Variants in RALYL observed in about 807,000 individuals in gnomAD.
The protein encoded by RALYL is RNA-binding Raly-like protein.
RALYL carries 29 observed loss-of-function variants against 35.1 expected under a neutral mutation model. The ratio of observed to expected loss-of-function variants is 0.83; its 90% CI spans 0.61 to 1.13. The LOEUF is 1.13. RALYL is among the 50% of genes most tolerant of loss of function. The pLI is 0.00. For missense variants in RALYL, 359 were observed against 360.4 expected (o/e 1.00, Z 0.03); for synonymous variants, 120 against 127.6 (o/e 0.94, Z 0.40).
chr8:84,687,755 A>C (rs1481581805), intron 2 of RALYL, among the ~76,000 whole-genome samples: 1 of 152,060 alleles, frequency 6.6e-6, no homozygotes, highest in African/African-American at 2.4e-5. Flanking sequence ...AAAATTCTGT[A>C]ATTTTTTTTG....
chr8:84,657,713 G>A (rs1000197594), intron 2 of RALYL, among the ~76,000 whole-genome samples: 7 of 152,104 alleles, frequency 4.6e-5, no homozygotes, highest in Non-Finnish European at 1.0e-4. Context: ...AAACTGGGGG[G>A]ATAAATCAAG....
intron 1 of RALYL, among the ~76,000 whole-genome samples, chr8:84,192,370 A>C (rs1814103986): frequency 6.6e-6 from 1 of 152,248 alleles, no homozygotes; most frequent in Admixed American, 6.5e-5. Flanking sequence ...AAAAAGGACT[A>C]AAGACAAACA....
intron 2 of RALYL, among the ~76,000 whole-genome samples, chr8:84,725,318 T>C (rs149666333): frequency 3.3e-5 from 5 of 151,884 alleles, no homozygotes; most frequent in African/African-American, 1.2e-4. Flanking sequence ...CCACACTTAT[T>C]TCTTTTTCCA....
chr8:84,878,830 G>A (rs1386845685), intron 7 of RALYL, among the ~76,000 whole-genome samples: 1 of 152,020 alleles, frequency 6.6e-6, no homozygotes, highest in Non-Finnish European at 1.5e-5. Flanking sequence ...AAGGATATGA[G>A]AATTACACGA....
intron 1 of RALYL, among the ~76,000 whole-genome samples, chr8:84,261,972 CAG>C (rs1411332898): frequency 6.6e-6 from 1 of 152,064 alleles, no homozygotes; most frequent in African/African-American, 2.4e-5. Context: ...AGACACTTGA[CAG>C]AGGAAATTTT....
At chr8:84,460,576 G>T (rs1455960782) in intron 1 of RALYL, among the ~76,000 whole-genome samples, 1 of 151,450 alleles carries the variant, frequency 6.6e-6, no homozygotes, top group Non-Finnish European at 1.5e-5. Flanking sequence ...AGAACAGTGT[G>T]GTATAATGCA....
intron 1 of RALYL, among the ~76,000 whole-genome samples, chr8:84,304,434 T>A (rs60702768): frequency 0.013 from 1,913 of 152,122 alleles, 55 homozygotes; most frequent in African/African-American, 0.043. Flanking sequence ...TACTAACTAA[T>A]ATAATATGGG....
At chr8:84,310,929 C>T (rs2129854850) in intron 1 of RALYL, among the ~76,000 whole-genome samples, 1 of 144,224 alleles carries the variant, frequency 6.9e-6, no homozygotes, top group East Asian at 2.0e-4. Context: ...CGCCTGTAGT[C>T]CCAGCTACTC....
chr8:84,306,933 T>C (rs182123806), intron 1 of RALYL, among the ~76,000 whole-genome samples: 158 of 152,282 alleles, frequency 1.0e-3, no homozygotes, highest in Admixed American at 3.1e-3. Context: ...ATGTGCATTA[T>C]ATGGCATGGG....
Position 84,855,800 on chromosome 8 carries a change from A to T in RALYL, c.413+5773A>T, listed in dbSNP as rs533421970. ...AAGCACTGATCAGTTTATAATTTCCAGTGATAAGGAGACTTTTATTAACAG... is the reference window on the plus strand; with the variant it reads ...AAGCACTGATCAGTTTATAATTTCCTGTGATAAGGAGACTTTTATTAACAG... On this transcript the variant is annotated intron_variant, in intron 5 of 8. Coordinates refer to ENST00000521268, the MANE Select transcript of RALYL (RefSeq NM_173848.7). 2.6e-5 allele frequency among the ~76,000 whole-genome samples: 4 copies of T among 152,348 alleles called. No individual in the cohort carries two copies. The South Asian group carries it at 8.3e-4, about 32-fold the overall frequency.
At chr8:84,541,295 A>G (rs1435357569) in intron 2 of RALYL, among the ~76,000 whole-genome samples, 2 of 151,804 alleles carry the variant, frequency 1.3e-5, no homozygotes, top group Non-Finnish European at 2.9e-5. Flanking sequence ...AGTATGTCAT[A>G]TTTTCAGAAT....
chr8:84,834,409 G>T (rs1423773627), intron 4 of RALYL, among the ~76,000 whole-genome samples: 1 of 152,242 alleles, frequency 6.6e-6, no homozygotes. Flanking sequence ...CTTGAGGTCA[G>T]AGAAGTCTAT....
In RALYL at chr8:84,596,466, C is replaced by A. The variant is rs952520584; in HGVS notation, c.256+66889C>A. ...ATCAGTTTTTCAGGGTTAAGAGAAACCATCTTGTCCAGCAAATAATCCCTT... is the reference window on the plus strand; with the variant it reads ...ATCAGTTTTTCAGGGTTAAGAGAAAACATCTTGTCCAGCAAATAATCCCTT... On this transcript the variant is annotated intron_variant, in intron 2 of 8. Coordinates refer to ENST00000521268, the MANE Select transcript of RALYL (RefSeq NM_173848.7). 2.6e-5 allele frequency among the ~76,000 whole-genome samples: 4 copies of A among 152,096 alleles called. No homozygotes were observed. The East Asian group carries it at 5.8e-4, about 22-fold the overall frequency.
chr8:84,709,247 G>A (rs1463340708), intron 2 of RALYL, among the ~76,000 whole-genome samples: 1 of 151,992 alleles, frequency 6.6e-6, no homozygotes, highest in Non-Finnish European at 1.5e-5. Context: ...ACCCTCATCA[G>A]GTCATTCCCC....
intron 2 of RALYL, among the ~76,000 whole-genome samples, chr8:84,703,437 C>A (rs1289904569): frequency 6.6e-6 from 1 of 152,066 alleles, no homozygotes; most frequent in Non-Finnish European, 1.5e-5. Context: ...TAGTGTGTAT[C>A]TGTTTATATA....
chr8:84,507,808 G>T (rs2134348037), intron 1 of RALYL, among the ~76,000 whole-genome samples: 1 of 152,264 alleles, frequency 6.6e-6, no homozygotes, highest in East Asian at 1.9e-4. Flanking sequence ...TTCATACAGT[G>T]ATTATTAGGT....
intron 1 of RALYL, among the ~76,000 whole-genome samples, chr8:84,418,497 C>T (rs547803344): frequency 1.3e-3 from 200 of 152,108 alleles, no homozygotes; most frequent in African/African-American, 1.9e-3. Flanking sequence ...CTGAGAAGGA[C>T]CCTAAAATGA....
At chr8:84,858,592 A>G (rs1379386976) in intron 5 of RALYL, among the ~76,000 whole-genome samples, 4 of 152,216 alleles carry the variant, frequency 2.6e-5, no homozygotes, top group African/African-American at 9.6e-5. Context: ...TTCTGCTGTC[A>G]GTCTACAATC....
chr8:84,496,243 T>G (rs1279285115), intron 1 of RALYL, among the ~76,000 whole-genome samples: 2 of 152,164 alleles, frequency 1.3e-5, no homozygotes, highest in Non-Finnish European at 2.9e-5. Context: ...TAGTGTATAT[T>G]GGTCCATTTG....
Sources: gnomAD v4.1 joint callset for allele counts (sites outside exome capture counted in the v4.1 genomes callset) on GRCh38, gnomAD v4.1.1 for gene constraint, MANE v1.5 for transcripts, NCBI Gene and HGNC (gene_info 2026-07-23, HGNC 2026-07-21) for gene names.